Variants in CACNA2D1 observed in about 807,000 individuals in gnomAD.
The protein encoded by CACNA2D1 is calcium voltage-gated channel auxiliary subunit alpha2delta 1, also known as voltage-dependent calcium channel subunit alpha-2/delta-1.
In CACNA2D1, 53 loss-of-function variants were observed where a neutral mutation model predicts 171.5. That is an observed-to-expected ratio of 0.31 (90% CI 0.25 to 0.39). CACNA2D1 has a LOEUF of 0.39. CACNA2D1 is among the 10% of genes least tolerant of loss of function. The probability of loss-of-function intolerance (pLI) is 1.00; values close to 1 mark genes in which losing one functional copy is unlikely to be tolerated. For missense variants in CACNA2D1, 903 were observed against 1,299.8 expected (o/e 0.69, Z 4.69); for synonymous variants, 442 against 443.1 (o/e 1.00, Z 0.03).
At chr7:82,137,638 G>A (rs1382048217) in intron 4 of CACNA2D1, among the ~76,000 whole-genome samples, 3 of 149,950 alleles carry the variant, frequency 2.0e-5, no homozygotes, top group Non-Finnish European at 4.4e-5. Flanking sequence ...TCGGGAGGCC[G>A]AGGTGGGTGG....
At chr7:82,379,982 C>T (rs902782772) in intron 1 of CACNA2D1, among the ~76,000 whole-genome samples, 20 of 152,140 alleles carry the variant, frequency 1.3e-4, no homozygotes, top group African/African-American at 4.1e-4. Flanking sequence ...TTTTTACTCC[C>T]TAAGTATGAA....
chr7:82,237,867 T>G (rs1184369084), intron 3 of CACNA2D1, among the ~76,000 whole-genome samples: 1 of 152,036 alleles, frequency 6.6e-6, no homozygotes, highest in African/African-American at 2.4e-5. Context: ...AATTAGTAGC[T>G]TACCTAAAAT....
At chr7:82,292,306 C>T (rs991303504) in intron 3 of CACNA2D1, among the ~76,000 whole-genome samples, 1 of 152,148 alleles carries the variant, frequency 6.6e-6, no homozygotes, top group Non-Finnish European at 1.5e-5. Context: ...CATCACCCTG[C>T]ACCTATTTGA....
At chr7:82,215,244 G>T (rs540509084) in intron 3 of CACNA2D1, among the ~76,000 whole-genome samples, 3 of 152,088 alleles carry the variant, frequency 2.0e-5, no homozygotes, top group African/African-American at 7.2e-5. Flanking sequence ...TTACATATTG[G>T]TTCATTTCTT....
At chr7:82,173,022 G>A (rs1796205358) in intron 3 of CACNA2D1, among the ~76,000 whole-genome samples, 1 of 151,940 alleles carries the variant, frequency 6.6e-6, no homozygotes. Flanking sequence ...TCACCCACAG[G>A]GCTATGCAGT....
At chr7:81,989,996 T>C (rs1290896347) in intron 21 of CACNA2D1, among the ~76,000 whole-genome samples, 3 of 152,176 alleles carry the variant, frequency 2.0e-5, no homozygotes, top group Non-Finnish European at 4.4e-5. Flanking sequence ...TGAAAAATTC[T>C]CATGTAAAGA....
In CACNA2D1 at chr7:82,086,166, G is replaced by T. The variant is rs1282993029; in HGVS notation, c.527-1266C>A. On this transcript the variant is annotated intron_variant, in intron 6 of 38. Transcript: ENST00000356860. The stretch of plus-strand genomic sequence containing the variant: ...TTTTCTGTGATGACAGCAAATAAAA[G>T]AAATGAATGCCATCATGGTTAAATC... 2.0e-5 allele frequency among the ~76,000 whole-genome samples: 3 copies of T among 152,074 alleles called. No individual in the cohort carries two copies. In the East Asian group the frequency reaches 5.8e-4, roughly 29 times the overall value.
At chr7:81,959,683 G>A (rs760482639) in intron 37 of CACNA2D1, 37 bp downstream of exon 37, 2 of 1,589,654 alleles carry the variant, frequency 1.3e-6, no homozygotes, top group Non-Finnish European at 1.7e-6. Flanking sequence ...CATTAAGATG[G>A]TTTTCCTTTC....
rs1563065051 is a variant in CACNA2D1 at position 82,111,396 on chromosome 7, A to ATATATATATTCATATATGTGTATATATG, written c.526+5620_526+5647dup. 4.3e-4 allele frequency among the ~76,000 whole-genome samples: 37 copies of ATATATATATTCATATATGTGTATATATG among 86,746 alleles called. 3 individuals are homozygous for ATATATATATTCATATATGTGTATATATG. Among genetic ancestry groups the ATATATATATTCATATATGTGTATATATG allele is most frequent in the Admixed American group, 2.0e-3 (16 of 8,038 alleles). The allele number at this position is 86,746 out of a possible 152,430, so 56.9% of individuals were successfully genotyped here. A position where few individuals can be genotyped will look rare whatever the true frequency, so the allele number is the denominator to read the frequency against. On this transcript the variant is annotated intron_variant, in intron 6 of 38. Coordinates refer to ENST00000356860, the MANE Select transcript of CACNA2D1 (RefSeq NM_000722.4). ...TATATTCATATATGTGTATATATGT[A>ATATATATATTCATATATGTGTATATATG]TATATATATTCATATATGTGTATAT...
chr7:82,238,725 CT>C (rs1253044811), intron 3 of CACNA2D1, among the ~76,000 whole-genome samples: 3 of 152,050 alleles, frequency 2.0e-5, no homozygotes, highest in African/African-American at 7.2e-5. Flanking sequence ...GACTTAGACA[CT>C]TTTGTATCGT....
chr7:82,438,325 C>T (rs1313134362), intron 1 of CACNA2D1, among the ~76,000 whole-genome samples: 1 of 152,026 alleles, frequency 6.6e-6, no homozygotes, highest in African/African-American at 2.4e-5. Flanking sequence ...GACATACACA[C>T]GTATATATGT....
intron 3 of CACNA2D1, among the ~76,000 whole-genome samples, chr7:82,195,760 A>G (rs1052962250): frequency 1.3e-5 from 2 of 151,974 alleles, no homozygotes; most frequent in Non-Finnish European, 2.9e-5. Flanking sequence ...AGTTCACAGA[A>G]TAATCTGCAC....
chr7:82,031,669 T>G (rs570883230), intron 12 of CACNA2D1, among the ~76,000 whole-genome samples: 10 of 152,120 alleles, frequency 6.6e-5, no homozygotes, highest in African/African-American at 2.4e-4. Context: ...TTTTAGCACC[T>G]AGAGTATCTT....
chr7:82,231,070 T>C (rs1802878411), intron 3 of CACNA2D1, among the ~76,000 whole-genome samples: 1 of 152,228 alleles, frequency 6.6e-6, no homozygotes, highest in African/African-American at 2.4e-5. Flanking sequence ...AATGAGCTGG[T>C]ATGACACTTG....
chr7:82,087,560 T>A (rs1810623713), intron 6 of CACNA2D1, among the ~76,000 whole-genome samples: 2 of 144,766 alleles, frequency 1.4e-5, no homozygotes, highest in Non-Finnish European at 1.5e-5. Flanking sequence ...TGAAAGCAGC[T>A]AAAAAAAAAA....
chr7:82,242,249 G>T (rs1240211492), intron 3 of CACNA2D1, among the ~76,000 whole-genome samples: 1 of 151,162 alleles, frequency 6.6e-6, no homozygotes, highest in Non-Finnish European at 1.5e-5. Flanking sequence ...GTATAAGGGA[G>T]TGTACAATAC....
At chr7:81,967,694 TA>T in intron 29 of CACNA2D1, 31 bp from the exon 30 acceptor site, 1 of 1,004,436 alleles carries the variant, frequency 1.0e-6, no homozygotes, top group Non-Finnish European at 1.6e-6. Context: ...AATTCAAAGG[TA>T]TAATTAGATG....
intron 32 of CACNA2D1, among the ~76,000 whole-genome samples, chr7:81,965,131 GT>G (rs1028809189): frequency 6.6e-6 from 1 of 151,800 alleles, no homozygotes; most frequent in Non-Finnish European, 1.5e-5. Flanking sequence ...TTTTTGCTTT[GT>G]TTTTTCAAAA....
intron 1 of CACNA2D1, among the ~76,000 whole-genome samples, chr7:82,426,373 C>T (rs1829188676): frequency 1.3e-5 from 2 of 152,044 alleles, no homozygotes; most frequent in African/African-American, 2.4e-5. Flanking sequence ...AATAAACGGC[C>T]GCACATAAAA....
Sources: allele counts gnomAD v4.1 joint callset (sites outside exome capture counted in the v4.1 genomes callset), GRCh38; gene constraint gnomAD v4.1.1; transcripts MANE v1.5; gene names NCBI Gene and HGNC (gene_info 2026-07-23, HGNC 2026-07-21).